The following SCMH1 variants were observed in gnomAD, a reference collection of about 807,000 sequenced individuals.
SCMH1 encodes the protein polycomb protein SCMH1.
Under a neutral mutation model 70.8 loss-of-function variants are expected in SCMH1, and 37 were observed. The ratio of observed to expected loss-of-function variants is 0.52; its 90% CI spans 0.40 to 0.69. The LOEUF is 0.69. SCMH1 is among the 30% of genes least tolerant of loss of function. SCMH1 has a pLI of 0.00. For synonymous variants in SCMH1, 292 were observed against 307.4 expected, an observed-to-expected ratio of 0.95 and a Z score of 0.52; for missense variants, 607 against 827.3, an observed-to-expected ratio of 0.73 and a Z score of 3.27.
chr1:41,112,997 A>T (rs1446542372), intron 8 of SCMH1, among the ~76,000 whole-genome samples: 1 of 152,242 alleles, frequency 6.6e-6, no homozygotes, highest in East Asian at 1.9e-4. Flanking sequence ...GGTTAGGGAC[A>T]AAAGTAAGAG....
intron 2 of SCMH1, among the ~76,000 whole-genome samples, chr1:41,173,445 C>G (rs1245482666): frequency 6.6e-6 from 1 of 151,932 alleles, no homozygotes; most frequent in Non-Finnish European, 1.5e-5. Flanking sequence ...ACAGTGGCTA[C>G]TAGTAAAAAG....
intron 10 of SCMH1, among the ~76,000 whole-genome samples, chr1:41,050,803 T>G (rs1039011075): frequency 2.0e-5 from 3 of 152,090 alleles, no homozygotes; most frequent in African/African-American, 7.2e-5. Flanking sequence ...CTCTCATAAT[T>G]TGCAAAAGGC....
rs946131321 is a variant in SCMH1, at chr1:41,094,924, A to G, written c.745+18359T>C. Among the ~76,000 whole-genome samples the G allele has an allele frequency of 2.6e-5, 4 of 151,894 alleles. No individual in the cohort carries two copies. In the East Asian group the frequency reaches 5.8e-4, roughly 22 times the overall value. ...AAAAAATTCTTTTTCCTAGACAGCC[A>G]TATCTCTGCTCAAATGATACCTTTC... On this transcript the variant is annotated intron_variant, in intron 8 of 14. Transcript: ENST00000337495.
chr1:41,194,098 T>C (rs1017984309), intron 1 of SCMH1, among the ~76,000 whole-genome samples: 1 of 152,198 alleles, frequency 6.6e-6, no homozygotes, highest in African/African-American at 2.4e-5. Flanking sequence ...TCTTAGCCCA[T>C]TATTGTTTCT....
intron 8 of SCMH1, among the ~76,000 whole-genome samples, chr1:41,093,859 C>G (rs546071605): frequency 6.6e-6 from 1 of 152,284 alleles, no homozygotes; most frequent in African/African-American, 2.4e-5. Context: ...CATTTGAAAG[C>G]TTGAATTTTA....
At chr1:41,182,985 A>G (rs1008011638) in intron 2 of SCMH1, among the ~76,000 whole-genome samples, 1 of 152,192 alleles carries the variant, frequency 6.6e-6, no homozygotes, top group Non-Finnish European at 1.5e-5. Flanking sequence ...TCATTTTTTC[A>G]AAGTGTTCTA....
chr1:41,066,007 G>A (rs1027096388), intron 10 of SCMH1, among the ~76,000 whole-genome samples: 1 of 152,066 alleles, frequency 6.6e-6, no homozygotes, highest in African/African-American at 2.4e-5. Flanking sequence ...TGCAGCCTAC[G>A]CCTCACTTGT....
At chr1:41,230,036 G>T (rs534292857) in intron 1 of SCMH1, among the ~76,000 whole-genome samples, 190 of 152,306 alleles carry the variant, frequency 1.2e-3, no homozygotes, top group African/African-American at 4.3e-3. Context: ...TTAGCTAGGG[G>T]ATGGTGGCAC....
At chr1:41,062,277 G>A (rs938626073) in intron 10 of SCMH1, among the ~76,000 whole-genome samples, 2 of 151,980 alleles carry the variant, frequency 1.3e-5, no homozygotes, top group Non-Finnish European at 2.9e-5. Flanking sequence ...TAACACATAG[G>A]TCAAAGAAGA....
At chr1:41,111,725 G>A (rs1669291119) in intron 8 of SCMH1, among the ~76,000 whole-genome samples, 1 of 152,154 alleles carries the variant, frequency 6.6e-6, no homozygotes, top group Non-Finnish European at 1.5e-5. Flanking sequence ...ACTCACTCAT[G>A]TCTCAGCATC....
intron 8 of SCMH1, among the ~76,000 whole-genome samples, chr1:41,082,920 A>T (rs1038783180): frequency 6.6e-6 from 1 of 152,240 alleles, no homozygotes; most frequent in African/African-American, 2.4e-5. Flanking sequence ...GACAAAATTC[A>T]ACAACTCTTC....
intron 8 of SCMH1, among the ~76,000 whole-genome samples, chr1:41,092,395 T>C (rs937360745): frequency 1.2e-4 from 18 of 152,196 alleles, no homozygotes; most frequent in Non-Finnish European, 2.2e-4. Context: ...AAGACTTAAA[T>C]GTTAGACCTA....
chr1:41,190,102 C>T (rs1252170092), intron 1 of SCMH1, among the ~76,000 whole-genome samples: 1 of 152,182 alleles, frequency 6.6e-6, no homozygotes, highest in African/African-American at 2.4e-5. Flanking sequence ...ATGCTCCATT[C>T]TTGCCAGTCC....
chr1:41,235,355 A>G (rs138617066), intron 1 of SCMH1, among the ~76,000 whole-genome samples: 2 of 152,054 alleles, frequency 1.3e-5, no homozygotes, highest in East Asian at 3.9e-4. Flanking sequence ...GGCAGATCAC[A>G]TAGTCAGGAG....
chr1:41,129,072 T>C (rs1197419224), intron 6 of SCMH1, among the ~76,000 whole-genome samples: 1 of 152,200 alleles, frequency 6.6e-6, no homozygotes, highest in African/African-American at 2.4e-5. Flanking sequence ...CTTGAACATA[T>C]GCAATATAAA....
At chr1:41,064,113 C>G (rs1176184315) in intron 10 of SCMH1, among the ~76,000 whole-genome samples, 1 of 152,200 alleles carries the variant, frequency 6.6e-6, no homozygotes, top group East Asian at 1.9e-4. Context: ...TTAATATAAT[C>G]TATCATATCA....
intron 10 of SCMH1, among the ~76,000 whole-genome samples, chr1:41,066,736 G>A (rs370622950): frequency 3.7e-4 from 56 of 151,966 alleles, no homozygotes; most frequent in African/African-American, 1.3e-3. Context: ...GTGCACATCA[G>A]CGTGCCCAGC....
chr1:41,029,294 C>T (rs1387019360), intron 13 of SCMH1, among the ~76,000 whole-genome samples: 1 of 152,224 alleles, frequency 6.6e-6, no homozygotes, highest in African/African-American at 2.4e-5. Context: ...CTCACTGCAA[C>T]TTCTGCCTCC....
intron 12 of SCMH1, chr1:41,043,767 A>G (rs904262524): frequency 2.6e-5 from 4 of 152,022 alleles, no homozygotes; most frequent in African/African-American, 9.7e-5. Context: ...TTTCTTAATC[A>G]TAATAATACT....
Sources: gnomAD v4.1 joint callset for allele counts (sites outside exome capture counted in the v4.1 genomes callset) on GRCh38, gnomAD v4.1.1 for gene constraint, MANE v1.5 for transcripts, NCBI Gene and HGNC (gene_info 2026-07-23, HGNC 2026-07-21) for gene names.